Variants in NUDC observed in about 807,000 individuals in gnomAD.
The protein encoded by NUDC is nuclear distribution C, dynein complex regulator.
In NUDC, 14 loss-of-function variants were observed where a neutral mutation model predicts 45.0. The observed-to-expected ratio is 0.31, with a 90% CI of 0.21 to 0.49. The LOEUF (loss-of-function observed/expected upper bound fraction) is 0.49, where lower values mean the gene tolerates loss of function less well. Ranked by LOEUF, NUDC falls within the 20% of genes least tolerant of loss-of-function variation. The probability of loss-of-function intolerance (pLI) is 0.99; values close to 1 mark genes in which losing one functional copy is unlikely to be tolerated. For synonymous variants in NUDC, 153 were observed against 156.7 expected, an observed-to-expected ratio of 0.98 and a Z score of 0.17; for missense variants, 323 against 426.2, an observed-to-expected ratio of 0.76 and a Z score of 2.13.
rs775589163 is a variant in NUDC at position 26,921,834 on chromosome 1, A to G, written c.-15A>G. 2 of 1,550,356 alleles carry G rather than the reference A, an allele frequency of 1.3e-6. No individual in the cohort carries two copies. The highest frequency in any genetic ancestry group is 4.9e-5 in the East Asian group (2 of 41,084). On this transcript the variant is annotated 5_prime_UTR_variant, in exon 1 of 9. Transcript: ENST00000321265. ...TAGAGTGCAGAGCTCCGGGACGTGG[A>G]TCGGAGCCGGCGCGATGGGCGGAGA...
intron 2 of NUDC, chr1:26,911,088 T>G: frequency 2.1e-6 from 1 of 470,470 alleles, no homozygotes; most frequent in Non-Finnish European, 4.4e-6. Flanking sequence ...GTCCCTTCCC[T>G]TTGGGAAAAT....
chr1:26,913,326 G>T, intron 3 of NUDC: 1 of 1,228,336 alleles, frequency 8.1e-7, no homozygotes, highest in Non-Finnish European at 1.2e-6. Flanking sequence ...TGAGATAACA[G>T]ATATCAAACC....
intron 1 of NUDC, chr1:26,922,403 C>G: frequency 5.0e-6 from 1 of 199,204 alleles, no homozygotes; most frequent in South Asian, 7.0e-5. Flanking sequence ...CACCACCTAC[C>G]AACTTGGAAC....
intron 2 of NUDC, among the ~76,000 whole-genome samples, chr1:26,931,508 C>T (rs1207828505): frequency 2.7e-5 from 4 of 146,220 alleles, no homozygotes; most frequent in East Asian, 2.3e-4. Flanking sequence ...CGGTTGGGCA[C>T]GGTGGCTCAC....
At chr1:26,913,566 C>T (rs1175802564) in intron 3 of NUDC, 1 of 1,614,030 alleles carries the variant, frequency 6.2e-7, no homozygotes, top group African/African-American at 1.3e-5. Flanking sequence ...TGCTGCTGGG[C>T]TCCTCCAGCA....
intron 2 of NUDC, among the ~76,000 whole-genome samples, chr1:26,932,713 A>G (rs892511988): frequency 1.3e-5 from 2 of 152,122 alleles, no homozygotes; most frequent in African/African-American, 2.4e-5. Context: ...ATCTTAGGGA[A>G]CTGAAACCCT....
intron 2 of NUDC, among the ~76,000 whole-genome samples, chr1:26,940,252 G>A (rs1192938562): frequency 1.3e-5 from 2 of 151,922 alleles, no homozygotes; most frequent in Admixed American, 6.6e-5. Flanking sequence ...TGAGGCAGGC[G>A]GATCACTGGA....
chr1:26,943,202 A>G, intron 6 of NUDC, 137 bp downstream of exon 6: 1 of 925,306 alleles, frequency 1.1e-6, no homozygotes, highest in South Asian at 1.4e-5. Flanking sequence ...TTTAAAGTAG[A>G]TCTGTCTCTA....
intron 2 of NUDC, among the ~76,000 whole-genome samples, chr1:26,938,881 G>T (rs1033110183): frequency 3.3e-5 from 5 of 152,232 alleles, no homozygotes; most frequent in African/African-American, 7.2e-5. Flanking sequence ...TGTCCTAAGG[G>T]TATGTTCCTG....
chr1:26,908,493 A>G (rs1025064752), intron 2 of NUDC, among the ~76,000 whole-genome samples: 3 of 152,232 alleles, frequency 2.0e-5, no homozygotes, highest in African/African-American at 7.2e-5. Flanking sequence ...ACAGAAGTGT[A>G]GCTCCCCAAC....
intron 1 of NUDC, chr1:26,902,241 G>C (rs1391647450): frequency 6.6e-6 from 1 of 152,194 alleles, no homozygotes; most frequent in Non-Finnish European, 1.5e-5. Context: ...CCACTGATCA[G>C]TTGGAACAAA....
At chr1:26,911,063 G>T in intron 2 of NUDC, 1 of 465,214 alleles carries the variant, frequency 2.1e-6, no homozygotes, top group East Asian at 7.0e-5. Context: ...TGCCAGGCCA[G>T]CCCTGGGTAC....
intron 6 of NUDC, chr1:26,945,000 C>G: frequency 3.8e-6 from 1 of 260,656 alleles, no homozygotes; most frequent in African/African-American, 2.2e-5. Flanking sequence ...CGAGATGGTG[C>G]CACAGCACTC....
chr1:26,912,066 C>T lies in NUDC; in HGVS notation c.93+831C>T, dbSNP rs199619628. The T allele has an allele frequency of 1.1e-4, 184 of 1,613,836 alleles. No individual in the cohort carries two copies. Among genetic ancestry groups the T allele is most frequent in the South Asian group, 1.3e-4 (12 of 91,064 alleles). On this transcript the variant is annotated intron_variant, in intron 3 of 6. Transcript: ENST00000435827. ...TGCTGCAGGTGCCCAATGTGGGAGG[C>T]GGCTTGGAGGCCTGGCACATCTGTG...
chr1:26,932,349 G>A (rs1412315299), intron 2 of NUDC, among the ~76,000 whole-genome samples: 5 of 151,760 alleles, frequency 3.3e-5, no homozygotes, highest in East Asian at 3.9e-4. Context: ...GCTAATTATT[G>A]TATTTTTACA....
chr1:26,922,020 C>G (rs987791309), intron 1 of NUDC, 91 bp downstream of exon 1: 60 of 1,339,512 alleles, frequency 4.5e-5, no homozygotes, highest in Non-Finnish European at 6.2e-5. Flanking sequence ...CCCACCCCAG[C>G]GGCTCGCGGG....
intron 3 of NUDC, chr1:26,911,899 G>A (rs2124067027): frequency 6.2e-7 from 1 of 1,614,166 alleles, no homozygotes; most frequent in Non-Finnish European, 8.5e-7. Flanking sequence ...CATCTCCAAT[G>A]ATAGGGCGAA....
intron 3 of NUDC, among the ~76,000 whole-genome samples, chr1:26,912,383 C>G (rs1259168133): frequency 6.6e-6 from 1 of 152,140 alleles, no homozygotes; most frequent in African/African-American, 2.4e-5. Context: ...GTCACTTAAT[C>G]TCTGGGCTTC....
exon 1 of NUDC, chr1:26,900,358 A>G: frequency 6.2e-7 from 1 of 1,614,040 alleles, no homozygotes; most frequent in East Asian, 2.2e-5. Flanking sequence ...TAGCTCCGTA[A>G]ATGGGCCGAG....
Sources: gnomAD v4.1 joint callset for allele counts (sites outside exome capture counted in the v4.1 genomes callset) on GRCh38, gnomAD v4.1.1 for gene constraint, MANE v1.5 for transcripts, NCBI Gene and HGNC (gene_info 2026-07-23, HGNC 2026-07-21) for gene names.